The following NKTR variants were observed in gnomAD, a reference collection of about 807,000 sequenced individuals.
NKTR encodes NK-tumor recognition protein.
Under a neutral mutation model 156.3 loss-of-function variants are expected in NKTR, and 67 were observed. The observed-to-expected ratio is 0.43, with a 90% CI of 0.35 to 0.53. The LOEUF is 0.53. Among genes scored for constraint, NKTR ranks in the 20% least tolerant of loss-of-function variants. The pLI is 0.01. For synonymous variants in NKTR, 640 were observed against 596.6 expected, an observed-to-expected ratio of 1.07 and a Z score of -1.06; for missense variants, 1,604 against 1,730.9, an observed-to-expected ratio of 0.93 and a Z score of 1.30.
At chr3:42,643,668 C>G in intron 15 of NKTR, 1 of 669,944 alleles carries the variant, frequency 1.5e-6, no homozygotes, top group Non-Finnish European at 2.7e-6. Flanking sequence ...AACTCGTTAA[C>G]TTTGTGATAT....
chr3:42,633,162 C>T, intron 9 of NKTR: 1 of 456,752 alleles, frequency 2.2e-6, no homozygotes, highest in Non-Finnish European at 3.1e-6. Flanking sequence ...GCATCAGCCT[C>T]CTGAGTAGCT....
At chr3:42,629,383 T>A in intron 6 of NKTR, 1 of 933,494 alleles carries the variant, frequency 1.1e-6, no homozygotes, top group Non-Finnish European at 1.3e-6. Context: ...TTAAATTAAA[T>A]TCTGTAGTGC....
chr3:42,635,205 G>A lies in NKTR; in HGVS notation c.1018-16G>A, dbSNP rs1305914080. On this transcript the variant is annotated splice_polypyrimidine_tract_variant and intron_variant, in intron 11 of 16. Transcript: ENST00000232978. ...GAGAGGCATTTTTTAAAATACTATT[G>A]TTTTTGTTTTTAAAGCGCTATCACA... 5 of 1,604,318 alleles carry A rather than the reference G, an allele frequency of 3.1e-6. No individual in the cohort carries two copies. The highest frequency in any genetic ancestry group is 3.4e-5 in the Admixed American group (2 of 57,976).
intron 13 of NKTR, among the ~76,000 whole-genome samples, chr3:42,641,874 C>CAA (rs35450151): frequency 3.1e-4 from 34 of 110,382 alleles, no homozygotes; most frequent in African/African-American, 5.7e-4. Context: ...CAAGACTCCT[C>CAA]AAAAAAAAAA....
In NKTR at chr3:42,636,857, C is replaced by T. The variant is rs774642522; in HGVS notation, c.1164-11C>T. On this transcript the variant is annotated splice_polypyrimidine_tract_variant and intron_variant, in intron 12 of 16. Transcript: ENST00000232978. Reference sequence around the variant, plus strand: ...ATAAATCACCGCATGAATATTATGTCCTTTCTATAGGTTAAGTGACCCCTG... The same window carrying T: ...ATAAATCACCGCATGAATATTATGTTCTTTCTATAGGTTAAGTGACCCCTG... 2.8e-5 allele frequency: 43 copies of T among 1,543,718 alleles called. No homozygotes were observed. The highest frequency in any genetic ancestry group is 9.0e-5 in the Admixed American group (4 of 44,448).
intron 7 of NKTR, 159 bp from the exon 8 acceptor site, chr3:42,631,012 G>T: frequency 7.1e-7 from 1 of 1,415,134 alleles, no homozygotes; most frequent in African/African-American, 1.4e-5. Context: ...TTATGAAGCA[G>T]ATTTCAAGTT....
At chr3:42,625,470 A>C (rs1708290692) in intron 6 of NKTR, among the ~76,000 whole-genome samples, 1 of 152,190 alleles carries the variant, frequency 6.6e-6, no homozygotes, top group Non-Finnish European at 1.5e-5. Flanking sequence ...TATGTCATTT[A>C]AGAATCTGAC....
At chr3:42,641,918 C>G (rs777148475) in intron 13 of NKTR, among the ~76,000 whole-genome samples, 7 of 152,020 alleles carry the variant, frequency 4.6e-5, no homozygotes, top group Non-Finnish European at 1.0e-4. Context: ...AGTGCCACCC[C>G]TAGGTGCATG....
chr3:42,632,675 G>C lies in NKTR; in HGVS notation c.625G>C (p.Glu209Gln), dbSNP rs772171473. ...DSSSNSSSSS[E>Q]SSSESELEHE... ...CTCTTCCAATTCCTCCTCTTCTTCA[G>C]AATCATCTTCAGAAAGTGAACTTGA... The change falls in exon 9 of 17, where the codon GAA (glutamate) becomes CAA (glutamine). Residue 209 changes from glutamate to glutamine, a missense_variant. Glu to Gln is a conservative substitution (Grantham distance 29). This residue lies in a region of NKTR where 1,255 missense variants were observed against 1,243.7 expected (regional missense o/e 1.01). Transcript: ENST00000232978. 10 of 1,613,842 alleles carry C rather than the reference G, an allele frequency of 6.2e-6. No individual in the cohort carries two copies. Among genetic ancestry groups the C allele is most frequent in the Non-Finnish European group, 8.5e-6 (10 of 1,179,950 alleles).
At chr3:42,628,674 T>G (rs1297323444) in intron 6 of NKTR, 1 of 985,308 alleles carries the variant, frequency 1.0e-6, no homozygotes, top group Non-Finnish European at 1.2e-6. Flanking sequence ...TATTTGGGGC[T>G]GATCCCTTAC....
intron 9 of NKTR, chr3:42,633,181 G>A (rs754792215): frequency 4.2e-5 from 17 of 405,160 alleles, no homozygotes; most frequent in South Asian, 6.9e-5. Flanking sequence ...CTAGGACTAC[G>A]GGCGTATACC....
chr3:42,642,661 C>A, intron 14 of NKTR, 65 bp downstream of exon 14: 2 of 1,091,430 alleles, frequency 1.8e-6, no homozygotes, highest in Non-Finnish European at 2.8e-6. Flanking sequence ...GCTACATAGG[C>A]AGAGGGGGTA....
chr3:42,630,335 T>A, intron 6 of NKTR: 1 of 1,383,158 alleles, frequency 7.2e-7, no homozygotes, highest in East Asian at 2.7e-5. Flanking sequence ...TGATTGTAAT[T>A]CATTATAATC....
At chr3:42,625,406 AAC>A (rs1708282242) in intron 6 of NKTR, among the ~76,000 whole-genome samples, 2 of 151,758 alleles carry the variant, frequency 1.3e-5, no homozygotes, top group Non-Finnish European at 2.9e-5. Flanking sequence ...GCTACATTTT[AAC>A]AGTCATAAAT....
chr3:42,631,892 C>G (rs1708939839), intron 8 of NKTR, among the ~76,000 whole-genome samples: 1 of 152,084 alleles, frequency 6.6e-6, no homozygotes, highest in Non-Finnish European at 1.5e-5. Flanking sequence ...TTTGTGCTGC[C>G]TATTCTCTTT....
intron 11 of NKTR, 142 bp from the exon 12 acceptor site, chr3:42,635,074 AAAAAG>A (rs374444788): frequency 1.6e-5 from 8 of 484,936 alleles, no homozygotes; most frequent in Non-Finnish European, 3.4e-6. Flanking sequence ...AAAAAAAAAA[AAAAAG>A]AACTTTAGAC....
intron 6 of NKTR, chr3:42,628,772 C>T: frequency 2.0e-5 from 15 of 766,484 alleles, no homozygotes; most frequent in Non-Finnish European, 2.4e-5. Flanking sequence ...GAGGCTGAGG[C>T]AGGTGGATCA....
chr3:42,627,848 A>ACTGT lies in NKTR; in HGVS notation c.375-2698_375-2697insCTGT, dbSNP rs568712692. 167 of 985,394 alleles carry ACTGT rather than the reference A, an allele frequency of 1.7e-4. 1 individual carries two copies. The African/African-American group carries it at 2.7e-3, about 16-fold the overall frequency. 61.0% of individuals were successfully genotyped at this position (985,394 alleles called of 1,614,324 possible). On this transcript the variant is annotated intron_variant, in intron 6 of 16. Transcript: ENST00000232978. ...TACTGAGCATGTGTCACCATTGCAC[A>ACTGT]GCTCTTTAAACAGCCGCTTTTAAGA...
At chr3:42,632,318 A>C (rs1364924497) in intron 8 of NKTR, among the ~76,000 whole-genome samples, 1 of 151,666 alleles carries the variant, frequency 6.6e-6, no homozygotes, top group African/African-American at 2.4e-5. Context: ...TGATTTGCTC[A>C]CCTTGGCCTC....
Sources: allele counts gnomAD v4.1 joint callset (sites outside exome capture counted in the v4.1 genomes callset), GRCh38; gene constraint gnomAD v4.1.1; regional missense constraint gnomAD v4.1.1; transcripts MANE v1.5; gene names NCBI Gene and HGNC (gene_info 2026-07-23, HGNC 2026-07-21).